The following CCDC40 variants were observed in gnomAD, a reference collection of about 807,000 sequenced individuals.
The protein encoded by CCDC40 is coiled-coil domain 40 molecular ruler complex subunit.
Under a neutral mutation model 124.5 loss-of-function variants are expected in CCDC40, and 104 were observed. The observed-to-expected ratio is 0.84, with a 90% CI of 0.71 to 0.98. The LOEUF is 0.98. CCDC40 is among the 50% of genes least tolerant of loss of function. CCDC40 has a pLI of 0.00. For synonymous variants in CCDC40, 580 were observed against 602.9 expected, an observed-to-expected ratio of 0.96 and a Z score of 0.56; for missense variants, 1,463 against 1,503.9, an observed-to-expected ratio of 0.97 and a Z score of 0.45.
intron 12 of CCDC40, among the ~76,000 whole-genome samples, chr17:80,082,528 C>T (rs1785361447): frequency 6.6e-6 from 1 of 152,174 alleles, no homozygotes; most frequent in African/African-American, 2.4e-5. Context: ...TGGAGGACCC[C>T]CAGAGGCTAC....
intron 4 of CCDC40, 138 bp from the exon 5 acceptor site, chr17:80,048,445 C>T: frequency 1.4e-6 from 1 of 732,384 alleles, no homozygotes; most frequent in Non-Finnish European, 2.4e-6. Context: ...ACCCACAGAC[C>T]GTTGGGATGC....
rs541570971 is a variant in CCDC40, at chr17:80,058,788, G to A, written c.1318-70G>A. On this transcript the variant is annotated intron_variant, in intron 8 of 19. Coordinates refer to ENST00000397545, the MANE Select transcript of CCDC40 (RefSeq NM_017950.4). The surrounding 1 kb of genome is among the most constrained non-coding windows in gnomAD (Gnocchi z 4.2). ...CCTGGGTGGCGTCAACTTGTATCAAGGGTTGGTGGAGAACAGGCCCTCAGC... is the reference window on the plus strand; with the variant it reads ...CCTGGGTGGCGTCAACTTGTATCAAAGGTTGGTGGAGAACAGGCCCTCAGC... 1.2e-6 allele frequency: 2 copies of A among 1,612,278 alleles called. No homozygotes were observed. Among genetic ancestry groups the A allele is most frequent in the South Asian group, 2.2e-5 (2 of 90,984 alleles).
At position 80,086,797 on chromosome 17, in the gene CCDC40, G is replaced by GC. The variant is rs2038597589; in HGVS notation, c.2449+586dup. 1 of 164,942 alleles carries GC rather than the reference G, an allele frequency of 6.1e-6. No homozygotes were observed. Among genetic ancestry groups the GC allele is most frequent in the Non-Finnish European group, 1.3e-5 (1 of 75,608 alleles). The allele number at this position is 164,942 out of a possible 1,614,324, so 10.2% of individuals were successfully genotyped here. The stretch of plus-strand genomic sequence containing the variant: ...CCATGCTGGTCAGGCCTGCAGCAGA[G>GC]CCCCCATGGGAAATGCTGCCCAGAC... On this transcript the variant is annotated intron_variant, in intron 14 of 19. Transcript: ENST00000397545. This position sits in a 1 kb window ranked among gnomAD's most constrained non-coding sequence, Gnocchi z 5.5.
At chr17:80,089,343 A>C (rs1472024993) in intron 16 of CCDC40, among the ~76,000 whole-genome samples, 1 of 152,232 alleles carries the variant, frequency 6.6e-6, no homozygotes, top group South Asian at 2.1e-4. Context: ...GTTTGATAGA[A>C]TCTAGGCAAA....
rs1267547117 is a variant in CCDC40, at chr17:80,082,196, T to C, written c.1989+138T>C. Reference sequence around the variant, plus strand: ...CTGTGCTCACTCCTTTCCATGGTGTTCAGGTTGTAAGGGTGATACATTTTT... The same window carrying C: ...CTGTGCTCACTCCTTTCCATGGTGTCCAGGTTGTAAGGGTGATACATTTTT... On this transcript the variant is annotated intron_variant, in intron 12 of 19. Coordinates refer to ENST00000397545, the MANE Select transcript of CCDC40 (RefSeq NM_017950.4). 8 of 608,334 alleles carry C rather than the reference T, an allele frequency of 1.3e-5. No homozygotes were observed. The East Asian group carries it at 2.5e-4, about 19-fold the overall frequency. 37.7% of individuals were successfully genotyped at this position (608,334 alleles called of 1,614,324 possible).
rs1414102279 is a variant in CCDC40, at chr17:80,050,076, A to G, written c.952A>G (p.Lys318Glu). Residue 318 changes from lysine to glutamate, a missense_variant, in exon 7 of 20, where the codon AAG (lysine) becomes GAG (glutamate). Coordinates refer to ENST00000397545, the MANE Select transcript of CCDC40 (RefSeq NM_017950.4). Reference sequence around the variant, plus strand: ...CTCTTTGGTCCAGGTTGTGGCTACCAAGCAGAGCCGAGCCCAGCGGCAGGA... The same window carrying G: ...CTCTTTGGTCCAGGTTGTGGCTACCGAGCAGAGCCGAGCCCAGCGGCAGGA... ...LDLQELVVAT[K>E]QSRAQRQELG... is the part of the protein sequence containing the mutation. The G allele has an allele frequency of 3.7e-6, 6 of 1,613,750 alleles. No homozygotes were observed. The highest frequency in any genetic ancestry group is 5.1e-6 in the Non-Finnish European group (6 of 1,179,922).
chr17:80,037,983 A>C lies in CCDC40; in HGVS notation c.30-140A>C, dbSNP rs893336747. On this transcript the variant is annotated intron_variant, in intron 1 of 19. Transcript: ENST00000397545. The stretch of plus-strand genomic sequence containing the variant: ...TATAGTGCTATGGTTCCTGACAAAC[A>C]GGACAAAGACGTGACAACAGCCTGG... 8 of 665,680 alleles carry C rather than the reference A, an allele frequency of 1.2e-5. No individual in the cohort carries two copies. In the Admixed American group the frequency reaches 1.7e-4, roughly 14 times the overall value. 41.2% of individuals were successfully genotyped at this position (665,680 alleles called of 1,614,324 possible). A position where few individuals can be genotyped will look rare whatever the true frequency, so the allele number is the denominator to read the frequency against.
Position 80,099,753 on chromosome 17 carries a change from T to C in CCDC40, c.3407T>C (p.Leu1136Pro). 6.2e-7 allele frequency: 1 copy of C among 1,613,264 alleles called. No individual in the cohort carries two copies. Among genetic ancestry groups the C allele is most frequent in the Non-Finnish European group, 8.5e-7 (1 of 1,179,922 alleles). ...GTCAGCCAGATGATCGCCAACAAGC[T>C]CGAGTCACCAGGGCCCTCCTAGGGA... ...HKVSQMIANK[L>P]ESPGPS The change falls in exon 20 of 20, where the codon CTC becomes CCC. Residue 1136 changes from leucine to proline, a missense_variant. Coordinates refer to ENST00000397545, the MANE Select transcript of CCDC40 (RefSeq NM_017950.4).
At chr17:80,069,779 AG>A (rs2038144052) in intron 10 of CCDC40, among the ~76,000 whole-genome samples, 5 of 150,868 alleles carry the variant, frequency 3.3e-5, no homozygotes, top group African/African-American at 1.2e-4. Flanking sequence ...AAGAAAAAAA[AG>A]AGAGAGAGAG....
chr17:80,064,759 C>T (rs1452878403), intron 9 of CCDC40, among the ~76,000 whole-genome samples: 3 of 151,804 alleles, frequency 2.0e-5, no homozygotes, highest in Non-Finnish European at 4.4e-5. Context: ...CCAGCCTCCG[C>T]TCAGCCTGCC....
At chr17:80,091,591 C>T (rs917386337) in intron 17 of CCDC40, among the ~76,000 whole-genome samples, 2 of 121,724 alleles carry the variant, frequency 1.6e-5, no homozygotes, top group Admixed American at 1.2e-4. Context: ...ATGATGTCAC[C>T]CAGCCTGGCA....
chr17:80,049,483 G>A (rs144411043), intron 5 of CCDC40, among the ~76,000 whole-genome samples: 3 of 151,364 alleles, frequency 2.0e-5, no homozygotes, highest in Admixed American at 1.3e-4. Flanking sequence ...CGCAGCCACT[G>A]CCTTGAGGGC....
chr17:80,055,996 ATATATATATATATATATATAT>A (rs1157007987), intron 7 of CCDC40, among the ~76,000 whole-genome samples: 1 of 5,670 alleles, frequency 1.8e-4, no homozygotes, highest in East Asian at 2.1e-3. Flanking sequence ...ATATATATAT[ATATATATATATATATATATAT>A]TTTTTTTTTT....
chr17:80,069,577 C>T (rs537346802), intron 10 of CCDC40, among the ~76,000 whole-genome samples: 1 of 152,064 alleles, frequency 6.6e-6, no homozygotes, highest in African/African-American at 2.4e-5. Flanking sequence ...TGGTGAAACC[C>T]CGTCTCTACT....
intron 3 of CCDC40, among the ~76,000 whole-genome samples, chr17:80,040,762 C>G (rs1568668362): frequency 6.6e-6 from 1 of 152,144 alleles, no homozygotes; most frequent in Admixed American, 6.5e-5. Flanking sequence ...ATCCTGGACT[C>G]TGCTTCAGTC....
intron 10 of CCDC40, among the ~76,000 whole-genome samples, chr17:80,074,721 T>C (rs1410672318): frequency 6.6e-6 from 1 of 152,134 alleles, no homozygotes. Flanking sequence ...AACACAGCAT[T>C]TATTCTGCAA....
At chr17:80,045,132 G>A (rs2037389488) in intron 3 of CCDC40, among the ~76,000 whole-genome samples, 2 of 152,368 alleles carry the variant, frequency 1.3e-5, no homozygotes, top group South Asian at 4.1e-4. Flanking sequence ...GTGAGACGGT[G>A]CATGGGCTGG....
At chr17:80,082,873 T>C (rs540055583) in intron 12 of CCDC40, among the ~76,000 whole-genome samples, 1 of 152,274 alleles carries the variant, frequency 6.6e-6, no homozygotes, top group Admixed American at 6.5e-5. Flanking sequence ...AACACATTCG[T>C]CTATTACGAC....
intron 10 of CCDC40, among the ~76,000 whole-genome samples, chr17:80,071,590 T>C (rs1450071767): frequency 1.3e-5 from 2 of 152,168 alleles, no homozygotes; most frequent in African/African-American, 4.8e-5. Flanking sequence ...TACCATGGTA[T>C]TAAAGCAACA....
Sources: gnomAD v4.1 joint callset for allele counts (sites outside exome capture counted in the v4.1 genomes callset) on GRCh38, gnomAD v4.1.1 for gene constraint, Gnocchi (gnomAD v3.1) non-coding constraint, MANE v1.5 for transcripts, NCBI Gene and HGNC (gene_info 2026-07-23, HGNC 2026-07-21) for gene names.